The following CDC42SE2 variants were observed in gnomAD, a reference collection of about 807,000 sequenced individuals.
CDC42SE2 encodes CDC42 small effector protein 2.
A neutral mutation model predicts 11.5 loss-of-function variants in CDC42SE2; 3 were observed. The observed-to-expected ratio is 0.26, with a 90% CI of 0.12 to 0.67. CDC42SE2 has a LOEUF of 0.67. CDC42SE2 is among the 30% of genes least tolerant of loss of function. The probability of loss-of-function intolerance (pLI) is 0.80; values close to 1 mark genes in which losing one functional copy is unlikely to be tolerated. For synonymous variants in CDC42SE2, 33 were observed against 34.8 expected (o/e 0.95, Z 0.18); for missense variants, 82 against 106.8 (o/e 0.77, Z 1.02).
upstream of CDC42SE2, chr5:131,263,529 CTGAT>C (rs1472301028): frequency 1.3e-5 from 2 of 152,240 alleles, no homozygotes; most frequent in Non-Finnish European, 1.5e-5. Context: ...CAGTTAATGA[CTGAT>C]TGAACGATTC....
rs1364141111 is a variant in CDC42SE2 at position 131,391,536 on chromosome 5, G to A, written c.*445G>A. The A allele has an allele frequency of 6.6e-6, 1 of 152,458 alleles. No homozygotes were observed. Among genetic ancestry groups the A allele is most frequent in the African/African-American group, 2.4e-5 (1 of 41,444 alleles). 9.4% of individuals were successfully genotyped at this position (152,458 alleles called of 1,614,324 possible). On this transcript the variant is annotated 3_prime_UTR_variant, in exon 5 of 5. Transcript: ENST00000505065. ...AAAATACAAAAATTAGCTGGGCATG[G>A]TGGCGCATGCCTGTAATCGCAGCTA... is the stretch of plus-strand genomic sequence containing the variant.
chr5:131,356,763 C>G (rs1330373454), intron 2 of CDC42SE2, among the ~76,000 whole-genome samples: 1 of 151,982 alleles, frequency 6.6e-6, no homozygotes, highest in East Asian at 1.9e-4. Context: ...AAAAAATTAG[C>G]AAAGTGTGGC....
intron 1 of CDC42SE2, among the ~76,000 whole-genome samples, chr5:131,250,076 C>G (rs942315789): frequency 6.6e-6 from 1 of 152,124 alleles, no homozygotes; most frequent in African/African-American, 2.4e-5. Flanking sequence ...ATTATCACTC[C>G]AAATTGAATA....
the CDC42SE2 span, among the ~76,000 whole-genome samples, chr5:131,234,687 T>C: frequency 1.3e-5 from 2 of 149,480 alleles, no homozygotes; most frequent in Non-Finnish European, 1.5e-5. Flanking sequence ...AAAGAGAAGA[T>C]TTGTTATGGG....
chr5:131,270,947 G>T (rs1756982895), intron 1 of CDC42SE2, among the ~76,000 whole-genome samples: 1 of 152,036 alleles, frequency 6.6e-6, no homozygotes, highest in African/African-American at 2.4e-5. Flanking sequence ...AGATATAGGG[G>T]GGAAGGTGGG....
intron 1 of CDC42SE2, among the ~76,000 whole-genome samples, chr5:131,295,422 A>G (rs919480032): frequency 6.6e-6 from 1 of 152,220 alleles, no homozygotes; most frequent in Admixed American, 6.5e-5. Flanking sequence ...TGGTGCATCC[A>G]TATAATGGAA....
chr5:131,304,283 C>A (rs1378427548), intron 1 of CDC42SE2, among the ~76,000 whole-genome samples: 3 of 152,044 alleles, frequency 2.0e-5, no homozygotes, highest in African/African-American at 7.3e-5. Context: ...TGTACCCGGC[C>A]TAAAATAAAA....
intron 1 of CDC42SE2, among the ~76,000 whole-genome samples, chr5:131,281,797 T>C (rs1757242659): frequency 6.6e-6 from 1 of 152,218 alleles, no homozygotes; most frequent in Non-Finnish European, 1.5e-5. Context: ...ATCTCTAACT[T>C]TGCTGCATAT....
intron 1 of CDC42SE2, among the ~76,000 whole-genome samples, chr5:131,289,438 C>T (rs901125679): frequency 2.6e-5 from 4 of 152,016 alleles, no homozygotes; most frequent in African/African-American, 7.2e-5. Flanking sequence ...TTTGGGAGGC[C>T]GAGGCGGGTG....
chr5:131,291,469 G>A (rs923638281), intron 1 of CDC42SE2, among the ~76,000 whole-genome samples: 1 of 151,974 alleles, frequency 6.6e-6, no homozygotes, highest in African/African-American at 2.4e-5. Flanking sequence ...TTTTCACTTT[G>A]ATCTTTATTT....
At chr5:131,296,647 C>T in intron 1 of CDC42SE2, among the ~76,000 whole-genome samples, 1 of 152,144 alleles carries the variant, frequency 6.6e-6, no homozygotes. Flanking sequence ...GCCCACTCTA[C>T]TCCAGTATGA....
At position 131,250,633 on chromosome 5, in the gene CDC42SE2, G is replaced by A. The variant is rs375557119; in HGVS notation, n.108-4462G>A. The stretch of plus-strand genomic sequence containing the variant: ...ATAGGTGGAGCATAGGAGATTTTCA[G>A]GGCTGTGAAACCATTCTGGATGATA... On this transcript the variant is annotated intron_variant and non_coding_transcript_variant, in intron 1 of 3. Transcript: ENST00000502840. Among the ~76,000 whole-genome samples the A allele has an allele frequency of 2.2e-4, 33 of 152,246 alleles. 1 individual carries two copies. The South Asian group carries it at 6.4e-3, about 30-fold the overall frequency.
chr5:131,231,598 C>G, the CDC42SE2 span, among the ~76,000 whole-genome samples: 9 of 152,140 alleles, frequency 5.9e-5, no homozygotes, highest in Admixed American at 3.3e-4. Flanking sequence ...TCTAAAGAGG[C>G]CTATCTGAAA....
At chr5:131,218,207 G>A in the CDC42SE2 span, among the ~76,000 whole-genome samples, 3 of 148,998 alleles carry the variant, frequency 2.0e-5, no homozygotes, top group Admixed American at 6.7e-5. Context: ...GGAAGAAGAA[G>A]GAAAGAAAAA....
intron 1 of CDC42SE2, among the ~76,000 whole-genome samples, chr5:131,288,357 A>C (rs1321484834): frequency 7.9e-5 from 12 of 152,234 alleles, no homozygotes; most frequent in Middle Eastern, 3.2e-3. Flanking sequence ...GAATGCTAGA[A>C]GATACTTAAG....
At chr5:131,292,913 A>AG (rs1382895331) in intron 1 of CDC42SE2, among the ~76,000 whole-genome samples, 1 of 50,710 alleles carries the variant, frequency 2.0e-5, no homozygotes, top group African/African-American at 3.7e-5. Flanking sequence ...TCTCAAAAAA[A>AG]AAAAAAAAAA....
chr5:131,326,848 C>T (rs116354765), intron 2 of CDC42SE2, among the ~76,000 whole-genome samples: 1,615 of 152,188 alleles, frequency 0.011, 31 homozygotes, highest in African/African-American at 0.036. Context: ...CTCCTGGACT[C>T]AATCATTCTG....
intron 3 of CDC42SE2, among the ~76,000 whole-genome samples, chr5:131,363,557 A>G (rs966492461): frequency 1.3e-5 from 2 of 151,588 alleles, no homozygotes; most frequent in Admixed American, 6.6e-5. Flanking sequence ...TTGTAGTTTC[A>G]GTAGAGATGG....
chr5:131,373,138 C>T (rs1198429167), intron 3 of CDC42SE2, among the ~76,000 whole-genome samples: 1 of 152,132 alleles, frequency 6.6e-6, no homozygotes, highest in African/African-American at 2.4e-5. Context: ...ATAGTTATCT[C>T]AACATAAGAG....
Sources: allele counts gnomAD v4.1 joint callset (sites outside exome capture counted in the v4.1 genomes callset), GRCh38; gene constraint gnomAD v4.1.1; transcripts MANE v1.5; gene names NCBI Gene and HGNC (gene_info 2026-07-23, HGNC 2026-07-21).